LMX1A: variants seen among roughly 807,000 people sequenced by gnomAD.
LMX1A encodes LIM homeobox transcription factor 1-alpha.
A neutral mutation model predicts 49.1 loss-of-function variants in LMX1A; 15 were observed. That is an observed-to-expected ratio of 0.31 (90% CI 0.20 to 0.47). The LOEUF is 0.47. LMX1A is among the 20% of genes least tolerant of loss of function. The pLI is 1.00. For missense variants in LMX1A, 372 were observed against 475.8 expected, an observed-to-expected ratio of 0.78 and a Z score of 2.03; for synonymous variants, 167 against 185.7, an observed-to-expected ratio of 0.90 and a Z score of 0.82.
chr1:165,301,638 T>C (rs1231763559), intron 3 of LMX1A, among the ~76,000 whole-genome samples: 1 of 152,178 alleles, frequency 6.6e-6, no homozygotes, highest in Non-Finnish European at 1.5e-5. Context: ...CTGCTAAATA[T>C]GCTCCTCCAG....
chr1:165,314,536 A>G (rs1655164987), intron 3 of LMX1A, among the ~76,000 whole-genome samples: 1 of 152,016 alleles, frequency 6.6e-6, no homozygotes, highest in Non-Finnish European at 1.5e-5. Context: ...TTTAGGTCTT[A>G]GCTTTGTCTT....
chr1:165,352,983 C>T, intron 3 of LMX1A, 93 bp downstream of exon 3: 1 of 1,315,266 alleles, frequency 7.6e-7, no homozygotes. Context: ...TCTCTTGGGC[C>T]TTCCAGAAAA....
intron 3 of LMX1A, among the ~76,000 whole-genome samples, chr1:165,352,112 T>A (rs1341528054): frequency 6.6e-6 from 1 of 152,212 alleles, no homozygotes; most frequent in East Asian, 1.9e-4. Flanking sequence ...AATTAAACAT[T>A]TCGCAAGGAA....
At position 165,245,052 on chromosome 1, in the gene LMX1A, G is replaced by A. The variant is rs183932552; in HGVS notation, c.496+4356C>T. On this transcript the variant is annotated intron_variant, in intron 4 of 8. Coordinates refer to ENST00000342310, the MANE Select transcript of LMX1A (RefSeq NM_177398.4). ...GAACGTGTCACATGCTTTTGTGTAA[G>A]ATCAGTCAGCATCACAGAACCATAG... 4.8e-3 allele frequency among the ~76,000 whole-genome samples: 731 copies of A among 152,188 alleles called. 2 individuals carry two copies. Among genetic ancestry groups the A allele is most frequent in the Non-Finnish European group, 6.9e-3 (468 of 68,002 alleles).
At chr1:165,334,779 T>C (rs1235915604) in intron 3 of LMX1A, among the ~76,000 whole-genome samples, 1 of 152,208 alleles carries the variant, frequency 6.6e-6, no homozygotes, top group East Asian at 1.9e-4. Flanking sequence ...GGAAGAGGTC[T>C]CTTTCAGGGG....
At chr1:165,242,385 A>G (rs559903991) in intron 4 of LMX1A, among the ~76,000 whole-genome samples, 1 of 152,192 alleles carries the variant, frequency 6.6e-6, no homozygotes, top group South Asian at 2.1e-4. Flanking sequence ...GCCTTGCCTT[A>G]GCCAAGGAAT....
intron 3 of LMX1A, among the ~76,000 whole-genome samples, chr1:165,299,770 T>TAAAAAA (rs35840243): frequency 7.6e-6 from 1 of 131,944 alleles, no homozygotes; most frequent in African/African-American, 2.9e-5. Context: ...AGAAACACAC[T>TAAAAAA]AAAAAAAAAA....
intron 3 of LMX1A, among the ~76,000 whole-genome samples, chr1:165,274,955 G>T (rs897933335): frequency 6.6e-6 from 1 of 152,066 alleles, no homozygotes; most frequent in African/African-American, 2.4e-5. Flanking sequence ...CTCAATAATT[G>T]GTAGTAATTC....
intron 3 of LMX1A, among the ~76,000 whole-genome samples, chr1:165,271,428 G>T (rs1653789993): frequency 1.3e-5 from 2 of 152,180 alleles, no homozygotes; most frequent in African/African-American, 4.8e-5. Context: ...AGTAAAAATA[G>T]TTCTCCTATT....
intron 3 of LMX1A, among the ~76,000 whole-genome samples, chr1:165,303,916 G>A (rs1314961102): frequency 6.6e-6 from 1 of 151,986 alleles, no homozygotes; most frequent in Non-Finnish European, 1.5e-5. Context: ...CTAGTATATG[G>A]GTGGGATTAC....
intron 4 of LMX1A, among the ~76,000 whole-genome samples, chr1:165,240,163 A>G (rs1302276974): frequency 6.6e-6 from 1 of 152,254 alleles, no homozygotes; most frequent in African/African-American, 2.4e-5. Context: ...AAATGTGTAT[A>G]CTAGCTTATG....
At chr1:165,249,788 C>T in intron 3 of LMX1A, 148 bp from the exon 4 acceptor site, 1 of 649,358 alleles carries the variant, frequency 1.5e-6, no homozygotes, top group Non-Finnish European at 2.7e-6. Flanking sequence ...GTTATTTATT[C>T]CCTAAGGAGA....
chr1:165,239,892 T>A (rs1652585107), intron 4 of LMX1A, among the ~76,000 whole-genome samples: 1 of 152,244 alleles, frequency 6.6e-6, no homozygotes, highest in Non-Finnish European at 1.5e-5. Context: ...TCACAGCACC[T>A]GGCACAGTAA....
At chr1:165,354,055 G>T (rs1656516802) in intron 2 of LMX1A, among the ~76,000 whole-genome samples, 1 of 152,212 alleles carries the variant, frequency 6.6e-6, no homozygotes, top group South Asian at 2.1e-4. Flanking sequence ...CTTGGACTTT[G>T]TGTTTTGTTC....
intron 3 of LMX1A, among the ~76,000 whole-genome samples, chr1:165,293,333 T>C (rs1273686101): frequency 6.6e-6 from 1 of 152,198 alleles, no homozygotes; most frequent in East Asian, 1.9e-4. Context: ...AATAGCACTT[T>C]CACAAATAAT....
intron 3 of LMX1A, among the ~76,000 whole-genome samples, chr1:165,324,391 A>G (rs1655509852): frequency 6.6e-6 from 1 of 152,176 alleles, no homozygotes; most frequent in Non-Finnish European, 1.5e-5. Flanking sequence ...TCTATAATAC[A>G]GGAGAGCCTT....
chr1:165,294,327 G>C (rs777571356), intron 3 of LMX1A, among the ~76,000 whole-genome samples: 3 of 152,236 alleles, frequency 2.0e-5, no homozygotes, highest in Non-Finnish European at 2.9e-5. Flanking sequence ...AACCATACTT[G>C]ATGGTAAATT....
intron 4 of LMX1A, among the ~76,000 whole-genome samples, chr1:165,249,006 C>G (rs1482329695): frequency 6.6e-6 from 1 of 152,180 alleles, no homozygotes; most frequent in South Asian, 2.1e-4. Context: ...TGCTGTTCCC[C>G]AAACCTGGAT....
At chr1:165,347,811 TC>T (rs1311221161) in intron 3 of LMX1A, among the ~76,000 whole-genome samples, 1 of 152,228 alleles carries the variant, frequency 6.6e-6, no homozygotes, top group Non-Finnish European at 1.5e-5. Context: ...AAATTTCTGA[TC>T]ATATCATGAG....
Sources: allele counts gnomAD v4.1 joint callset (sites outside exome capture counted in the v4.1 genomes callset), GRCh38; gene constraint gnomAD v4.1.1; transcripts MANE v1.5; gene names NCBI Gene and HGNC (gene_info 2026-07-23, HGNC 2026-07-21).